The following TTC7B variants were observed in gnomAD, a reference collection of about 807,000 sequenced individuals.
TTC7B encodes the protein tetratricopeptide repeat protein 7B.
TTC7B carries 28 observed loss-of-function variants against 106.8 expected under a neutral mutation model. The ratio of observed to expected loss-of-function variants is 0.26; its 90% confidence interval spans 0.19 to 0.36. The LOEUF (loss-of-function observed/expected upper bound fraction) is 0.36, where lower values mean the gene tolerates loss of function less well. Among genes scored for constraint, TTC7B ranks in the 10% least tolerant of loss-of-function variants. The pLI, the probability that TTC7B is intolerant of heterozygous loss-of-function variation, is 1.00. For missense variants in TTC7B, 862 were observed against 1,076.4 expected, an observed-to-expected ratio of 0.80 and a Z score of 2.79; for synonymous variants, 405 against 430.6, an observed-to-expected ratio of 0.94 and a Z score of 0.74.
At chr14:90,552,905 C>T (rs1182518757) in intron 19 of TTC7B, among the ~76,000 whole-genome samples, 3 of 152,240 alleles carry the variant, frequency 2.0e-5, no homozygotes, top group Admixed American at 2.0e-4. Context: ...TTCAAGTTAG[C>T]CAAACAAACG....
intron 1 of TTC7B, among the ~76,000 whole-genome samples, chr14:90,803,322 C>T (rs1339794398): frequency 1.3e-5 from 2 of 152,140 alleles, no homozygotes; most frequent in Non-Finnish European, 2.9e-5. Flanking sequence ...AGTGCTTGGG[C>T]CATAGGAGGG....
chr14:90,726,040 A>T (rs1889089250), intron 5 of TTC7B, among the ~76,000 whole-genome samples: 1 of 152,224 alleles, frequency 6.6e-6, no homozygotes, highest in Admixed American at 6.5e-5. Context: ...CAGGAGTTCG[A>T]GGCTGCAGTG....
chr14:90,554,935 AATG>A (rs1890239782), intron 19 of TTC7B, among the ~76,000 whole-genome samples: 1 of 152,090 alleles, frequency 6.6e-6, no homozygotes, highest in Non-Finnish European at 1.5e-5. Flanking sequence ...ATCACATCTG[AATG>A]ATGTGGCGCA....
At chr14:90,745,707 CTTTTTTT>C (rs530213103) in intron 3 of TTC7B, among the ~76,000 whole-genome samples, 3 of 140,954 alleles carry the variant, frequency 2.1e-5, no homozygotes, top group East Asian at 2.0e-4. Context: ...TTTTGTTTTT[CTTTTTTT>C]TTTTTTTGGA....
Position 90,699,214 on chromosome 14 carries a change from A to G in TTC7B, c.699-3636T>C, listed in dbSNP as rs184483521. On this transcript the variant is annotated intron_variant, in intron 5 of 19. Coordinates refer to ENST00000328459, the MANE Select transcript of TTC7B (RefSeq NM_001010854.2). ...ACATTCTCGGCTCTTTAATATTGCC[A>G]TCTGTCCCTCTGTGATCAAACCAAG... The G allele has an allele frequency of 2.1e-3, 949 of 456,012 alleles. 10 individuals are homozygous for G. Among genetic ancestry groups the G allele is most frequent in the Middle Eastern group, 0.013 (39 of 3,070 alleles). 28.2% of individuals were successfully genotyped at this position (456,012 alleles called of 1,614,324 possible).
chr14:90,653,918 C>T (rs183088021), intron 12 of TTC7B, among the ~76,000 whole-genome samples: 1 of 152,296 alleles, frequency 6.6e-6, no homozygotes, highest in African/African-American at 2.4e-5. Context: ...ATTAAATTTG[C>T]CCCTCACTCA....
intron 5 of TTC7B, among the ~76,000 whole-genome samples, chr14:90,715,181 C>A (rs747751162): frequency 8.5e-5 from 13 of 152,242 alleles, no homozygotes; most frequent in Non-Finnish European, 1.3e-4. Flanking sequence ...TGCCCTGTTG[C>A]ACACAAATGC....
intron 15 of TTC7B, among the ~76,000 whole-genome samples, chr14:90,636,276 T>C (rs1374948711): frequency 2.0e-5 from 3 of 152,066 alleles, no homozygotes; most frequent in Non-Finnish European, 2.9e-5. Context: ...ATGTATATCA[T>C]ACAAAATAGA....
chr14:90,725,728 T>C (rs11626857), intron 5 of TTC7B, among the ~76,000 whole-genome samples: 16,996 of 152,114 alleles, frequency 0.11, 1,171 homozygotes, highest in Non-Finnish European at 0.16. Flanking sequence ...ACCCCATGGG[T>C]GCATCTCCCG....
intron 9 of TTC7B, among the ~76,000 whole-genome samples, chr14:90,669,553 G>C (rs1365569094): frequency 7.1e-6 from 1 of 140,738 alleles, no homozygotes; most frequent in East Asian, 2.1e-4. Flanking sequence ...AAAAAAAGCA[G>C]GTGTGGTATC....
rs187313513 is a variant in TTC7B, at chr14:90,577,238, G to A, written c.2310+868C>T. On this transcript the variant is annotated intron_variant, in intron 19 of 19. Transcript: ENST00000328459. This position sits in a 1 kb window ranked among gnomAD's most constrained non-coding sequence, Gnocchi z 5.0. ...AGCCCAGCATGCAGGCCCAGGGAAC[G>A]TGGCACGGCTTTTCACAAGCTCCTC... 4.6e-5 allele frequency among the ~76,000 whole-genome samples: 7 copies of A among 152,326 alleles called. No homozygotes were observed. Among genetic ancestry groups the A allele is most frequent in the Non-Finnish European group, 1.0e-4 (7 of 68,018 alleles).
At chr14:90,544,688 C>A (rs1172148226) in intron 19 of TTC7B, among the ~76,000 whole-genome samples, 1 of 152,178 alleles carries the variant, frequency 6.6e-6, no homozygotes, top group African/African-American at 2.4e-5. Context: ...CGAGAACGTT[C>A]CAACGTAACT....
Position 90,573,541 on chromosome 14 carries a change from G to A in TTC7B, c.2310+4565C>T, listed in dbSNP as rs1164577863. Reference sequence around the variant, plus strand: ...CGGCTCACGGTCTCTCTCAGCTCACGGTCCCTCTCCGGCTCACGGTCCCTC... The same window carrying A: ...CGGCTCACGGTCTCTCTCAGCTCACAGTCCCTCTCCGGCTCACGGTCCCTC... On this transcript the variant is annotated intron_variant, in intron 19 of 19. Transcript: ENST00000328459. 6.6e-5 allele frequency among the ~76,000 whole-genome samples: 6 copies of A among 90,568 alleles called. 1 individual carries two copies. The highest frequency in any genetic ancestry group is 1.2e-4 in the Non-Finnish European group (5 of 42,876). 59.4% of individuals were successfully genotyped at this position (90,568 alleles called of 152,430 possible).
At chr14:90,582,043 G>T (rs1891516874) in intron 18 of TTC7B, among the ~76,000 whole-genome samples, 1 of 152,148 alleles carries the variant, frequency 6.6e-6, no homozygotes, top group South Asian at 2.1e-4. Context: ...CACGGCCTAG[G>T]GTTACTCCCA....
intron 3 of TTC7B, among the ~76,000 whole-genome samples, chr14:90,766,080 G>A (rs908710778): frequency 2.0e-5 from 3 of 150,688 alleles, no homozygotes; most frequent in African/African-American, 7.3e-5. Flanking sequence ...GAAGACCTAA[G>A]AAGACCTCAA....
chr14:90,753,943 GCTCA>G (rs1732484864), intron 3 of TTC7B, among the ~76,000 whole-genome samples: 1 of 152,164 alleles, frequency 6.6e-6, no homozygotes. Context: ...AACCTGAAAT[GCTCA>G]CTAACTGAGA....
chr14:90,744,984 A>C, intron 3 of TTC7B, 62 bp from the exon 4 acceptor site: 2 of 1,558,820 alleles, frequency 1.3e-6, no homozygotes, highest in Non-Finnish European at 1.8e-6. Flanking sequence ...TCATTTTTAA[A>C]TATTGCTCTA....
chr14:90,757,518 C>G lies in TTC7B; in HGVS notation c.446-12596G>C, dbSNP rs1001731634. Among the ~76,000 whole-genome samples the G allele has an allele frequency of 3.9e-5, 6 of 152,188 alleles. No homozygotes were observed. The highest frequency in any genetic ancestry group is 1.4e-4 in the African/African-American group (6 of 41,444). ...CGAGCTCTATCTTCTCTCCTGTCCT[C>G]TCTTTGCAAATGAGGAGATTCAAGC... On this transcript the variant is annotated intron_variant, in intron 3 of 19. Coordinates refer to ENST00000328459, the MANE Select transcript of TTC7B (RefSeq NM_001010854.2). The surrounding 1 kb of genome is among the most constrained non-coding windows in gnomAD (Gnocchi z 4.1).
At position 90,798,107 on chromosome 14, in the gene TTC7B, C is replaced by T. The variant is rs536289429; in HGVS notation, c.122-11779G>A. Among the ~76,000 whole-genome samples the T allele has an allele frequency of 4.6e-5, 7 of 152,302 alleles. 1 individual carries two copies. The South Asian group carries it at 1.0e-3, about 23-fold the overall frequency. On this transcript the variant is annotated intron_variant, in intron 1 of 19. Transcript: ENST00000328459. ...TTTTTCCCTCTTGCTTCTCTGTGAC[C>T]GCCACGAGAACGTGCCTAGGCCAGC...
Sources: gnomAD v4.1 joint callset for allele counts (sites outside exome capture counted in the v4.1 genomes callset) on GRCh38, gnomAD v4.1.1 for gene constraint, Gnocchi (gnomAD v3.1) non-coding constraint, MANE v1.5 for transcripts, NCBI Gene and HGNC (gene_info 2026-07-23, HGNC 2026-07-21) for gene names.